CDC16: variants seen among roughly 807,000 people sequenced by gnomAD.
CDC16 encodes the protein cell division cycle protein 16 homolog.
A neutral mutation model predicts 87.0 loss-of-function variants in CDC16; 34 were observed. The observed-to-expected ratio is 0.39, with a 90% CI of 0.30 to 0.52. The LOEUF (loss-of-function observed/expected upper bound fraction) is 0.52, where lower values mean the gene tolerates loss of function less well. Ranked by LOEUF, CDC16 falls within the 20% of genes least tolerant of loss-of-function variation. The pLI is 0.74. For missense variants in CDC16, 653 were observed against 751.9 expected (o/e 0.87, Z 1.54); for synonymous variants, 263 against 260.6 (o/e 1.01, Z -0.09).
chr13:114,272,123 CAA>C, intron 17 of CDC16, 59 bp from the exon 18 acceptor site: 4 of 952,172 alleles, frequency 4.2e-6, no homozygotes, highest in Non-Finnish European at 6.3e-6. Flanking sequence ...TGTTATATAA[CAA>C]TAGAAATGAT....
intron 12 of CDC16, among the ~76,000 whole-genome samples, chr13:114,255,240 G>A (rs548410858): frequency 3.7e-4 from 57 of 152,246 alleles, no homozygotes; most frequent in Admixed American, 5.9e-4. Context: ...CAAAGAAGCT[G>A]TGAGGAAAGA....
chr13:114,267,495 A>G (rs1401125113), intron 17 of CDC16, among the ~76,000 whole-genome samples: 1 of 152,204 alleles, frequency 6.6e-6, no homozygotes, highest in Non-Finnish European at 1.5e-5. Context: ...CCAATCTCAA[A>G]ACAAAAAAAA....
At chr13:114,244,030 C>A (rs1024387921) in intron 8 of CDC16, 41 bp downstream of exon 8, 15 of 1,435,858 alleles carry the variant, frequency 1.0e-5, no homozygotes, top group Non-Finnish European at 1.5e-5. Flanking sequence ...ACATGGAGTT[C>A]ACTCCATCTT....
Position 114,236,609 on chromosome 13 carries a change from G to A in CDC16, c.49-36G>A, listed in dbSNP as rs1451484050. ...ACTGTTTAAGACTATTAAAATAACAGGGCAGTTACCACCTTTTTTTTTTTT... is the reference window on the plus strand; with the variant it reads ...ACTGTTTAAGACTATTAAAATAACAAGGCAGTTACCACCTTTTTTTTTTTT... On this transcript the variant is annotated intron_variant, in intron 1 of 17. Transcript: ENST00000356221. 3.1e-6 allele frequency: 5 copies of A among 1,593,172 alleles called. No homozygotes were observed. In the Admixed American group the frequency reaches 8.6e-5, roughly 27 times the overall value.
chr13:114,266,224 T>C (rs552449476), intron 17 of CDC16, among the ~76,000 whole-genome samples: 1 of 152,304 alleles, frequency 6.6e-6, no homozygotes. Flanking sequence ...TGTCTGCTTA[T>C]GTGTCTTGGG....
At chr13:114,252,787 A>G (rs1479186736) in intron 12 of CDC16, among the ~76,000 whole-genome samples, 2 of 152,192 alleles carry the variant, frequency 1.3e-5, no homozygotes, top group Non-Finnish European at 2.9e-5. Context: ...ATCAATGATA[A>G]TTAATGACAC....
At chr13:114,258,981 C>T (rs368084864) in intron 13 of CDC16, among the ~76,000 whole-genome samples, 1 of 151,650 alleles carries the variant, frequency 6.6e-6, no homozygotes, top group African/African-American at 2.4e-5. Context: ...ACCTGTAATC[C>T]CAGCTGTGTC....
chr13:114,271,433 C>CT (rs1366333100), intron 17 of CDC16, among the ~76,000 whole-genome samples: 3 of 151,912 alleles, frequency 2.0e-5, no homozygotes, highest in African/African-American at 7.3e-5. Flanking sequence ...TTCATCGTGG[C>CT]TTTTTTATGC....
At chr13:114,256,848 A>T (rs1291067727) in intron 12 of CDC16, among the ~76,000 whole-genome samples, 1 of 152,214 alleles carries the variant, frequency 6.6e-6, no homozygotes, top group Non-Finnish European at 1.5e-5. Context: ...CTGTGGAATA[A>T]TAATGAAAAT....
chr13:114,235,194 T>G, intron 1 of CDC16, 62 bp downstream of exon 1: 1 of 1,120,500 alleles, frequency 8.9e-7, no homozygotes, highest in Middle Eastern at 2.4e-4. Flanking sequence ...CCGCGCGGCG[T>G]GGGGCTGGGG....
chr13:114,246,850 C>G (rs2081899060), intron 10 of CDC16, 81 bp from the exon 11 acceptor site: 1 of 845,078 alleles, frequency 1.2e-6, no homozygotes, highest in African/African-American at 1.7e-5. Flanking sequence ...AGTATACCCT[C>G]TGTCTACCCT....
chr13:114,261,959 T>G lies in CDC16; in HGVS notation c.1376+11T>G. On this transcript the variant is annotated intron_variant, in intron 15 of 17. Transcript: ENST00000356221. ...CTGCAGAAAACTTAAGTAAGTGAAGTAGAGCATTTTCAGAAATATACTTTG... is the reference window on the plus strand; with the variant it reads ...CTGCAGAAAACTTAAGTAAGTGAAGGAGAGCATTTTCAGAAATATACTTTG... The G allele has an allele frequency of 6.5e-7, 1 of 1,547,676 alleles. No homozygotes were observed. The highest frequency in any genetic ancestry group is 8.9e-7 in the Non-Finnish European group (1 of 1,129,766).
chr13:114,252,378 G>A (rs2082245719), intron 12 of CDC16, among the ~76,000 whole-genome samples: 1 of 152,198 alleles, frequency 6.6e-6, no homozygotes, highest in Non-Finnish European at 1.5e-5. Context: ...TTCAAGTACA[G>A]GCACAGTAGG....
chr13:114,269,331 G>A lies in CDC16; in HGVS notation c.1604-2853G>A, dbSNP rs546591364. ...AGTTGCACAACATCACTTCCGTCACGTTCTGTTCCATCAGTACAAGTCTCA... is the reference window on the plus strand; with the variant it reads ...AGTTGCACAACATCACTTCCGTCACATTCTGTTCCATCAGTACAAGTCTCA... On this transcript the variant is annotated intron_variant, in intron 17 of 17. Transcript: ENST00000356221. 5.9e-5 allele frequency among the ~76,000 whole-genome samples: 9 copies of A among 152,252 alleles called. No homozygotes were observed. The East Asian group carries it at 1.7e-3, about 29-fold the overall frequency.
Position 114,272,498 on chromosome 13 carries a change from A to T in CDC16, c.*55A>T. The T allele has an allele frequency of 6.7e-7, 1 of 1,485,918 alleles. No individual in the cohort carries two copies. The highest frequency in any genetic ancestry group is 9.3e-7 in the Non-Finnish European group (1 of 1,080,804). 92.0% of individuals were successfully genotyped at this position (1,485,918 alleles called of 1,614,324 possible). On this transcript the variant is annotated 3_prime_UTR_variant, in exon 18 of 18. Transcript: ENST00000356221. ...CCAGTGTAGGTTAGTATTCCTTCAC[A>T]TCCTCTCCATGGCTTAAGAATGTCC...
At position 114,249,331 on chromosome 13, in the gene CDC16, G is replaced by A. The variant is rs559706938; in HGVS notation, c.972-1218G>A. Among the ~76,000 whole-genome samples, 3 of 126,010 alleles carry A rather than the reference G, an allele frequency of 2.4e-5. No individual in the cohort carries two copies. The South Asian group carries it at 7.1e-4, about 30-fold the overall frequency. The allele number at this position is 126,010 out of a possible 152,430, so 82.7% of individuals were successfully genotyped here. ...GGGAGTGGCTGTAAATACAGATTAA[G>A]CTTTTTTTTTTTTCAAATGGCAAGT... On this transcript the variant is annotated intron_variant, in intron 11 of 17. Coordinates refer to ENST00000356221, the MANE Select transcript of CDC16 (RefSeq NM_001078645.3).
chr13:114,256,356 A>G (rs2082496984), intron 12 of CDC16, among the ~76,000 whole-genome samples: 3 of 152,228 alleles, frequency 2.0e-5, no homozygotes, highest in African/African-American at 7.2e-5. Context: ...CCTTCTGTAG[A>G]GGATATAATC....
chr13:114,241,841 A>G (rs1290940486), intron 5 of CDC16, among the ~76,000 whole-genome samples: 2 of 152,224 alleles, frequency 1.3e-5, no homozygotes, highest in Non-Finnish European at 2.9e-5. Flanking sequence ...ACTTGAGGCC[A>G]GGAGTTTGAG....
intron 17 of CDC16, 63 bp downstream of exon 17, chr13:114,265,303 T>C (rs2083132496): frequency 9.8e-7 from 1 of 1,021,972 alleles, no homozygotes; most frequent in South Asian, 1.3e-5. Context: ...TATGTCTCTG[T>C]TTATGTTTCT....
Sources: allele counts gnomAD v4.1 joint callset (sites outside exome capture counted in the v4.1 genomes callset), GRCh38; gene constraint gnomAD v4.1.1; transcripts MANE v1.5; gene names NCBI Gene and HGNC (gene_info 2026-07-23, HGNC 2026-07-21).